Variants in UGT8 observed in about 807,000 individuals in gnomAD.
UGT8 encodes 2-hydroxyacylsphingosine 1-beta-galactosyltransferase.
A neutral mutation model predicts 40.5 loss-of-function variants in UGT8; 12 were observed. The observed-to-expected ratio is 0.30, with a 90% CI of 0.19 to 0.48. The LOEUF is 0.48. Among genes scored for constraint, UGT8 ranks in the 20% least tolerant of loss-of-function variants. The pLI, the probability that UGT8 is intolerant of heterozygous loss-of-function variation, is 0.99. For missense variants in UGT8, 513 were observed against 648.7 expected (o/e 0.79, Z 2.27); for synonymous variants, 224 against 240.4 (o/e 0.93, Z 0.63).
At chr4:114,625,010 A>T (rs1732107922) in intron 2 of UGT8, among the ~76,000 whole-genome samples, 1 of 152,144 alleles carries the variant, frequency 6.6e-6, no homozygotes, top group Non-Finnish European at 1.5e-5. Flanking sequence ...GGTAGCTAAA[A>T]TCAGATTTTA....
In UGT8 at chr4:114,668,551, G is replaced by A. The variant is rs573822583; in HGVS notation, c.1262+247G>A. Among the ~76,000 whole-genome samples, 187 of 152,262 alleles carry A rather than the reference G, an allele frequency of 1.2e-3. 1 individual carries two copies. The highest frequency in any genetic ancestry group is 1.6e-3 in the Non-Finnish European group (107 of 68,022). ...TTCCAAACAGGGAGAAACTGCAATG[G>A]GAACAATCTTTGGATATCTACATTG... On this transcript the variant is annotated intron_variant, in intron 5 of 5. Transcript: ENST00000310836.
intron 2 of UGT8, among the ~76,000 whole-genome samples, chr4:114,651,092 ATCT>A (rs1271324600): frequency 1.3e-5 from 2 of 152,010 alleles, no homozygotes; most frequent in African/African-American, 4.8e-5. Flanking sequence ...CAATTGCCTA[ATCT>A]TAGACTCAGG....
rs759428565 is a variant in UGT8, at chr4:114,665,737, A to G, written c.1023A>G (p.Leu341=). The G allele has an allele frequency of 1.2e-6, 2 of 1,610,268 alleles. No individual in the cohort carries two copies. The highest frequency in any genetic ancestry group is 1.7e-6 in the Non-Finnish European group (2 of 1,178,542). The change falls in exon 4 of 6, where the codon TTA becomes TTG. Residue 341 remains leucine (L), a synonymous_variant. Coordinates refer to ENST00000310836, the MANE Select transcript of UGT8 (RefSeq NM_001128174.3). ...ACAACACTAAACTCATAGAATGGTT[A>G]CCACAAAATGACCTGCTTGGTAAGT... The part of the protein sequence containing the change: ...LGNNTKLIEW[L]PQNDLLGHSK...
intron 1 of UGT8, among the ~76,000 whole-genome samples, chr4:114,607,246 A>C (rs897781530): frequency 6.6e-6 from 1 of 152,178 alleles, no homozygotes; most frequent in Non-Finnish European, 1.5e-5. Context: ...ATTTGATGTT[A>C]AAACTAAAGC....
chr4:114,634,212 TGAA>T (rs1387200177), intron 2 of UGT8, among the ~76,000 whole-genome samples: 11 of 152,332 alleles, frequency 7.2e-5, no homozygotes, highest in Admixed American at 3.9e-4. Context: ...GAGTAAGGGA[TGAA>T]GAAGTTCTTT....
Position 114,664,162 on chromosome 4 carries a change from C to T in UGT8, c.965+25C>T, listed in dbSNP as rs751400400. 1.9e-6 allele frequency: 3 copies of T among 1,610,202 alleles called. No individual in the cohort carries two copies. In the Admixed American group the frequency reaches 5.0e-5, roughly 27 times the overall value. On this transcript the variant is annotated intron_variant, in intron 3 of 5. Transcript: ENST00000310836. ...GGTAAGGTAATAATGTAGATTGTTT[C>T]TTTGCTATTGACAATCAATATCTCC...
intron 5 of UGT8, among the ~76,000 whole-genome samples, chr4:114,669,215 G>A (rs1024086452): frequency 1.6e-4 from 24 of 152,200 alleles, no homozygotes; most frequent in Non-Finnish European, 2.8e-4. Context: ...GTGAGCTCAG[G>A]GGTGACCTTC....
intron 4 of UGT8, among the ~76,000 whole-genome samples, chr4:114,666,051 A>G (rs956182888): frequency 3.9e-4 from 60 of 152,162 alleles, no homozygotes; most frequent in African/African-American, 1.4e-3. Context: ...AATGAACTAT[A>G]TAAATTAGTA....
At chr4:114,675,797 C>A in intron 5 of UGT8, 128 bp from the exon 6 acceptor site, 1 of 672,336 alleles carries the variant, frequency 1.5e-6, no homozygotes, top group Non-Finnish European at 2.3e-6. Context: ...TAACACAGTG[C>A]TTGTACATGC....
At chr4:114,672,065 A>G (rs968714423) in intron 5 of UGT8, among the ~76,000 whole-genome samples, 1 of 152,252 alleles carries the variant, frequency 6.6e-6, no homozygotes, top group Non-Finnish European at 1.5e-5. Flanking sequence ...AAACATATGT[A>G]AAAAAGGTTA....
At chr4:114,640,065 C>G (rs1260049544) in intron 2 of UGT8, among the ~76,000 whole-genome samples, 1 of 144,004 alleles carries the variant, frequency 6.9e-6, no homozygotes, top group South Asian at 2.2e-4. Flanking sequence ...GAGTCTCGCT[C>G]TGTCGCCCAG....
chr4:114,598,833 A>G lies in UGT8; in HGVS notation c.-144A>G, dbSNP rs1359366339. On this transcript the variant is annotated 5_prime_UTR_variant, in exon 1 of 6. Coordinates refer to ENST00000310836, the MANE Select transcript of UGT8 (RefSeq NM_001128174.3). ...GAGAGCCCTCCTTAGCCAACACGCT[A>G]ACTCCGAAGCCTCCCTTACGCCCCC... The G allele has an allele frequency of 6.6e-6, 1 of 152,536 alleles. No individual in the cohort carries two copies. Among genetic ancestry groups the G allele is most frequent in the East Asian group, 1.9e-4 (1 of 5,166 alleles). 9.4% of individuals were successfully genotyped at this position (152,536 alleles called of 1,614,324 possible).
intron 2 of UGT8, among the ~76,000 whole-genome samples, chr4:114,642,870 G>A (rs1733314770): frequency 6.6e-6 from 1 of 152,028 alleles, no homozygotes; most frequent in African/African-American, 2.4e-5. Context: ...TTTTTATTTT[G>A]TGAATTATTA....
At chr4:114,638,441 C>T (rs959778300) in intron 2 of UGT8, among the ~76,000 whole-genome samples, 4 of 152,164 alleles carry the variant, frequency 2.6e-5, no homozygotes, top group African/African-American at 9.7e-5. Context: ...TACTAGGTAA[C>T]TGACATCAAG....
intron 1 of UGT8, among the ~76,000 whole-genome samples, chr4:114,604,777 T>C (rs2126084062): frequency 6.6e-6 from 1 of 152,314 alleles, no homozygotes; most frequent in African/African-American, 2.4e-5. Context: ...AAAACAAAAT[T>C]AGATATTCCA....
At chr4:114,608,180 A>G (rs1730844718) in intron 1 of UGT8, among the ~76,000 whole-genome samples, 2 of 152,076 alleles carry the variant, frequency 1.3e-5, no homozygotes, top group South Asian at 2.1e-4. Context: ...CTGCACTTCC[A>G]AATTCTCACC....
intron 1 of UGT8, among the ~76,000 whole-genome samples, chr4:114,619,115 A>T (rs1438231094): frequency 6.6e-6 from 1 of 152,130 alleles, no homozygotes; most frequent in Non-Finnish European, 1.5e-5. Context: ...GAACATAGGT[A>T]TAATTTTGAT....
chr4:114,616,242 C>G (rs935390670), intron 1 of UGT8, among the ~76,000 whole-genome samples: 1 of 152,192 alleles, frequency 6.6e-6, no homozygotes, highest in African/African-American at 2.4e-5. Flanking sequence ...CTGCAGTGGG[C>G]TCCACCCAGT....
In UGT8 at chr4:114,623,621, A is replaced by G. The variant is rs4148255; in HGVS notation, c.741A>G (p.Ala247=). 11,080 of 1,614,094 alleles carry G rather than the reference A, an allele frequency of 6.9e-3. 409 individuals carry two copies. The East Asian group carries it at 0.091, about 13-fold the overall frequency. Residue 247 remains alanine (A), a synonymous_variant, in exon 2 of 6, where the codon GCA becomes GCG. Coordinates refer to ENST00000310836, the MANE Select transcript of UGT8 (RefSeq NM_001128174.3). ...TGTGGATGCTGTGTACTGACGTAGC[A>G]CTGGAATTCCCAAGACCCACTCTGC... The part of the protein sequence containing the change: ...SSLWMLCTDV[A]LEFPRPTLPN...
Sources: allele counts gnomAD v4.1 joint callset (sites outside exome capture counted in the v4.1 genomes callset), GRCh38; gene constraint gnomAD v4.1.1; transcripts MANE v1.5; gene names NCBI Gene and HGNC (gene_info 2026-07-23, HGNC 2026-07-21).